ARHGAP6: variants seen among roughly 807,000 people sequenced by gnomAD.
ARHGAP6 encodes rho GTPase-activating protein 6.
A neutral mutation model predicts 55.7 loss-of-function variants in ARHGAP6; 16 were observed. The ratio of observed to expected loss-of-function variants is 0.29; its 90% CI spans 0.19 to 0.44. The LOEUF (loss-of-function observed/expected upper bound fraction) is 0.44. Ranked by LOEUF, ARHGAP6 falls within the 20% of genes least tolerant of loss-of-function variation. The pLI is 1.00. For missense variants in ARHGAP6, 698 were observed against 808.9 expected, an observed-to-expected ratio of 0.86 and a Z score of 1.66; for synonymous variants, 382 against 360.9, an observed-to-expected ratio of 1.06 and a Z score of -0.66.
intron 1 of ARHGAP6, among the ~76,000 whole-genome samples, chrX:11,628,786 T>G (rs755507780): frequency 8.9e-6 from 1 of 112,685 alleles, no homozygotes; most frequent in South Asian, 3.6e-4. Context: ...ATAAGAAACG[T>G]TTGGCAAAAC....
At chrX:11,207,306 G>C (rs2046719431) in intron 2 of ARHGAP6, among the ~76,000 whole-genome samples, 1 of 110,456 alleles carries the variant, frequency 9.1e-6, no homozygotes, top group South Asian at 3.9e-4. Context: ...AGGATTACAG[G>C]TGTGAGTCAT....
intron 10 of ARHGAP6, 79 bp downstream of exon 10, chrX:11,156,450 G>A: frequency 5.1e-6 from 5 of 973,241 alleles, no homozygotes; most frequent in Non-Finnish European, 7.2e-6. Context: ...ATGTACTTAT[G>A]TAAACCTTTC....
chrX:11,534,627 G>A (rs1230134282), intron 1 of ARHGAP6, among the ~76,000 whole-genome samples: 2 of 109,396 alleles, frequency 1.8e-5, no homozygotes, highest in African/African-American at 3.3e-5. Context: ...CCATGGTAGC[G>A]AACAGCCCTG....
intron 2 of ARHGAP6, among the ~76,000 whole-genome samples, chrX:11,249,438 T>C (rs996078205): frequency 9.0e-6 from 1 of 111,253 alleles, no homozygotes; most frequent in Non-Finnish European, 1.9e-5. Flanking sequence ...AATAAATAAA[T>C]ACAATTTAGA....
At chrX:11,396,642 G>A (rs945731318) in intron 1 of ARHGAP6, among the ~76,000 whole-genome samples, 1 of 111,360 alleles carries the variant, frequency 9.0e-6, no homozygotes, top group African/African-American at 3.3e-5. Flanking sequence ...GTAACATACT[G>A]TGCACATGCA....
intron 10 of ARHGAP6, among the ~76,000 whole-genome samples, chrX:11,153,908 A>G (rs776584685): frequency 9.1e-6 from 1 of 110,295 alleles, no homozygotes; most frequent in East Asian, 2.8e-4. Flanking sequence ...GGTGTGCTGC[A>G]CCCATTAACT....
At position 11,185,821 on chromosome X, in the gene ARHGAP6, A is replaced by C. The variant is rs1186463557; in HGVS notation, c.1273+415T>G. ...CTATTCACTTAAGCAATGATTCCCCAATTTTTTTTTTAAGTTGGACTCTTA... is the reference window on the plus strand; with the variant it reads ...CTATTCACTTAAGCAATGATTCCCCCATTTTTTTTTTAAGTTGGACTCTTA... On this transcript the variant is annotated intron_variant, in intron 5 of 12. Coordinates refer to ENST00000337414, the MANE Select transcript of ARHGAP6 (RefSeq NM_013427.3). Among the ~76,000 whole-genome samples the C allele has an allele frequency of 1.8e-5, 2 of 111,403 alleles. 1 individual carries two copies. Among genetic ancestry groups the C allele is most frequent in the South Asian group, 7.5e-4 (2 of 2,678 alleles).
chrX:11,144,167 G>C lies in ARHGAP6; in HGVS notation c.1989C>G (p.Ser663Arg), dbSNP rs1206465348. The change falls in exon 11 of 13, where the codon AGC (serine) becomes AGG (arginine). Residue 663 changes from serine (S) to arginine (R), a missense_variant. Physicochemically the swap from Ser to Arg is moderately radical, Grantham distance 110. This residue lies in a region of ARHGAP6 where 322 missense variants were observed against 451.1 expected (regional missense o/e 0.71). Coordinates refer to ENST00000337414, the MANE Select transcript of ARHGAP6 (RefSeq NM_013427.3). ...TGTTGTCATAAGGGGAGATGTCTCCGCTGGAGGCCTTGTTGGAGTCTGTAG... is the reference window on the plus strand; with the variant it reads ...TGTTGTCATAAGGGGAGATGTCTCCCCTGGAGGCCTTGTTGGAGTCTGTAG... ...HSSTDSNKAS[S>R]GDISPYDNNS... is the part of the protein sequence containing the mutation. The C allele has an allele frequency of 2.5e-6, 3 of 1,210,244 alleles. No individual in the cohort carries two copies. The highest frequency in any genetic ancestry group is 3.4e-6 in the Non-Finnish European group (3 of 895,250).
chrX:11,496,142 C>T lies in ARHGAP6; in HGVS notation c.588+168099G>A, dbSNP rs73486523. On this transcript the variant is annotated intron_variant, in intron 1 of 12. Coordinates refer to ENST00000337414, the MANE Select transcript of ARHGAP6 (RefSeq NM_013427.3). Reference sequence around the variant, plus strand: ...AATCAGCTAAACTGTGTCTGAACTCCTGACCCACAGAAACTGTGAGATAAT... The same window carrying T: ...AATCAGCTAAACTGTGTCTGAACTCTTGACCCACAGAAACTGTGAGATAAT... 6.5e-3 allele frequency among the ~76,000 whole-genome samples: 734 copies of T among 112,574 alleles called. 7 individuals are homozygous for T. Among genetic ancestry groups the T allele is most frequent in the African/African-American group, 0.022 (698 of 31,026 alleles).
chrX:11,550,014 A>G (rs183408301), intron 1 of ARHGAP6, among the ~76,000 whole-genome samples: 2 of 112,267 alleles, frequency 1.8e-5, no homozygotes, highest in East Asian at 2.8e-4. Context: ...CAGGCCATAA[A>G]GGGCACTTAG....
At chrX:11,287,582 C>T (rs939115160) in intron 1 of ARHGAP6, among the ~76,000 whole-genome samples, 1 of 112,129 alleles carries the variant, frequency 8.9e-6, no homozygotes, top group Non-Finnish European at 1.9e-5. Context: ...AAGTGGATTT[C>T]CCTGTCCAAC....
intron 1 of ARHGAP6, among the ~76,000 whole-genome samples, chrX:11,318,885 G>A (rs1451863611): frequency 8.9e-6 from 1 of 111,978 alleles, no homozygotes; most frequent in East Asian, 2.8e-4. Flanking sequence ...GAAGACAGAG[G>A]GGAGGGAAGA....
At chrX:11,285,164 G>T (rs201055297) in intron 1 of ARHGAP6, among the ~76,000 whole-genome samples, 17 of 87,758 alleles carry the variant, frequency 1.9e-4, no homozygotes, top group Non-Finnish European at 2.9e-4. Context: ...CACACAGATT[G>T]TTTTTTTTTT....
chrX:11,658,949 C>A (rs745441365), intron 1 of ARHGAP6, among the ~76,000 whole-genome samples: 9 of 110,107 alleles, frequency 8.2e-5, no homozygotes, highest in Non-Finnish European at 1.5e-4. Flanking sequence ...CCAGTTCTGG[C>A]AATCAAAAAT....
intron 1 of ARHGAP6, among the ~76,000 whole-genome samples, chrX:11,523,446 T>TC (rs2050955848): frequency 9.0e-6 from 1 of 111,553 alleles, no homozygotes; most frequent in Non-Finnish European, 1.9e-5. Context: ...AGTCAAATTG[T>TC]CCCTGTTTGC....
chrX:11,565,869 C>A (rs2051435826), intron 1 of ARHGAP6, among the ~76,000 whole-genome samples: 1 of 111,652 alleles, frequency 9.0e-6, no homozygotes, highest in Non-Finnish European at 1.9e-5. Flanking sequence ...GTTCAGGTAC[C>A]AACAGCAGAT....
chrX:11,286,595 C>T (rs191746047), intron 1 of ARHGAP6, among the ~76,000 whole-genome samples: 103 of 111,253 alleles, frequency 9.3e-4, no homozygotes, highest in African/African-American at 3.3e-3. Context: ...CAACTAGGGG[C>T]GAATTTGCCC....
In ARHGAP6 at chrX:11,429,354, G is replaced by A. The variant is rs148328788; in HGVS notation, c.589-174647C>T. ...GAAGGTGGTATTGACTAGGAAGGTG[G>A]TACAAGGGAACCTTCTAGGGTGCTG... On this transcript the variant is annotated intron_variant, in intron 1 of 12. Coordinates refer to ENST00000337414, the MANE Select transcript of ARHGAP6 (RefSeq NM_013427.3). Among the ~76,000 whole-genome samples, 673 of 111,756 alleles carry A rather than the reference G, an allele frequency of 6.0e-3. 2 individuals carry two copies. Among genetic ancestry groups the A allele is most frequent in the Middle Eastern group, 0.032 (7 of 216 alleles).
chrX:11,214,257 G>GCACACA (rs35340720), intron 2 of ARHGAP6, among the ~76,000 whole-genome samples: 114 of 100,959 alleles, frequency 1.1e-3, no homozygotes, highest in African/African-American at 2.9e-3. Flanking sequence ...CTTTGCTTAA[G>GCACACA]CACACACACA....
Sources: gnomAD v4.1 joint callset for allele counts (sites outside exome capture counted in the v4.1 genomes callset) on GRCh38, gnomAD v4.1.1 for gene constraint, gnomAD v4.1.1 regional missense constraint, MANE v1.5 for transcripts, NCBI Gene and HGNC (gene_info 2026-07-23, HGNC 2026-07-21) for gene names.